The following RNF34 variants were observed in gnomAD, a reference collection of about 807,000 sequenced individuals.
RNF34 encodes the protein E3 ubiquitin-protein ligase RNF34.
A neutral mutation model predicts 37.9 loss-of-function variants in RNF34; 12 were observed. The ratio of observed to expected loss-of-function variants is 0.32; its 90% confidence interval spans 0.20 to 0.51. The LOEUF (loss-of-function observed/expected upper bound fraction) is 0.51, where lower values mean the gene tolerates loss of function less well. RNF34 is among the 20% of genes least tolerant of loss of function. RNF34 has a pLI of 0.97. For missense variants in RNF34, 362 were observed against 472.7 expected, an observed-to-expected ratio of 0.77 and a Z score of 2.17; for synonymous variants, 155 against 177.2, an observed-to-expected ratio of 0.87 and a Z score of 1.00.
rs372856839 is a variant in RNF34, at chr12:121,423,550, C to T, written c.1093C>T (p.Arg365Ter). The change falls in exon 6 of 6, where the codon CGA (arginine) becomes TGA (stop). Residue 365 changes from arginine to a stop codon, truncating the protein, a stop_gained. Transcript: ENST00000361234. LOFTEE classifies it high-confidence loss of function. The surrounding 1 kb of genome is among the most constrained non-coding windows in gnomAD (Gnocchi z 4.3). ...ECPICRQYVV[R>*]AVHVFKS ...TCCCATCTGCCGGCAGTATGTGGTG[C>T]GAGCCGTGCACGTGTTCAAGTCCTG... The T allele has an allele frequency of 4.3e-6, 7 of 1,613,826 alleles. No homozygotes were observed. Among genetic ancestry groups the T allele is most frequent in the Admixed American group, 1.7e-5 (1 of 59,984 alleles).
chr12:121,417,362 T>A lies in RNF34; in HGVS notation c.226-142T>A. 1.4e-6 allele frequency: 1 copy of A among 693,624 alleles called. No individual in the cohort carries two copies. Among genetic ancestry groups the A allele is most frequent in the South Asian group, 2.0e-5 (1 of 50,324 alleles). 43.0% of individuals were successfully genotyped at this position (693,624 alleles called of 1,614,324 possible). A position where few individuals can be genotyped will look rare whatever the true frequency, so the allele number is the denominator to read the frequency against. ...TTTGATTTTCATGGCTTTTGAAACATGAAAATACCTCTGGAAATAGTCTGG... is the reference window on the plus strand; with the variant it reads ...TTTGATTTTCATGGCTTTTGAAACAAGAAAATACCTCTGGAAATAGTCTGG... On this transcript the variant is annotated intron_variant, in intron 2 of 5. Coordinates refer to ENST00000361234, the MANE Select transcript of RNF34 (RefSeq NM_025126.4). The surrounding 1 kb of genome is among the most constrained non-coding windows in gnomAD (Gnocchi z 5.0).
intron 1 of RNF34, among the ~76,000 whole-genome samples, chr12:121,405,817 G>A (rs1379585945): frequency 3.7e-5 from 5 of 135,134 alleles, no homozygotes; most frequent in Admixed American, 1.5e-4. Context: ...TTCTTGAGAC[G>A]GAGTCTTGCT....
At chr12:121,403,554 A>G (rs1239323208) in intron 1 of RNF34, among the ~76,000 whole-genome samples, 9 of 152,208 alleles carry the variant, frequency 5.9e-5, no homozygotes, top group Non-Finnish European at 7.3e-5. Flanking sequence ...AAGATTTAAT[A>G]CATCTTTTTC....
Position 121,420,782 on chromosome 12 carries a change from G to C in RNF34, c.928+4G>C, listed in dbSNP as rs1555283235. Reference sequence around the variant, plus strand: ...AATGAAGAAAACCAAAAGTCCTGTAGGTTTATCTTTTCATTTTTTCCCTGT... The same window carrying C: ...AATGAAGAAAACCAAAAGTCCTGTACGTTTATCTTTTCATTTTTTCCCTGT... On this transcript the variant is annotated splice_donor_region_variant and intron_variant, in intron 5 of 5. Transcript: ENST00000361234. The C allele has an allele frequency of 6.2e-7, 1 of 1,605,108 alleles. No individual in the cohort carries two copies. Among genetic ancestry groups the C allele is most frequent in the Admixed American group, 1.7e-5 (1 of 59,760 alleles).
intron 1 of RNF34, among the ~76,000 whole-genome samples, chr12:121,406,728 T>A (rs1385679032): frequency 6.6e-6 from 1 of 152,218 alleles, no homozygotes; most frequent in Non-Finnish European, 1.5e-5. Flanking sequence ...AACAAGTCAT[T>A]TATTTTTAGT....
chr12:121,423,854 C>T lies in RNF34; in HGVS notation c.*278C>T, dbSNP rs1384922382. On this transcript the variant is annotated 3_prime_UTR_variant, in exon 6 of 6. Coordinates refer to ENST00000361234, the MANE Select transcript of RNF34 (RefSeq NM_025126.4). The surrounding 1 kb of genome is among the most constrained non-coding windows in gnomAD (Gnocchi z 4.3). ...AGTCAGCCTGTTTGCGCCATGTGGG[C>T]ATCAGCCACTGCTGTCTTGGGAGGA... 1 of 378,006 alleles carries T rather than the reference C, an allele frequency of 2.6e-6. No homozygotes were observed. The highest frequency in any genetic ancestry group is 4.9e-6 in the Non-Finnish European group (1 of 206,152). The allele number at this position is 378,006 out of a possible 1,614,324, so 23.4% of individuals were successfully genotyped here.
chr12:121,401,354 C>CAAAAAAAAAAAAAA (rs563285897), intron 1 of RNF34, among the ~76,000 whole-genome samples: 15 of 76,770 alleles, frequency 2.0e-4, no homozygotes, highest in East Asian at 4.2e-4. Flanking sequence ...CTATAGGTAT[C>CAAAAAAAAAAAAAA]AAAAAAAAAA....
intron 1 of RNF34, among the ~76,000 whole-genome samples, chr12:121,401,777 G>A (rs1395589754): frequency 6.6e-6 from 1 of 152,198 alleles, no homozygotes; most frequent in African/African-American, 2.4e-5. Context: ...TTGAATTGAA[G>A]TGGAAGGTAC....
chr12:121,406,705 T>C (rs782425854), intron 1 of RNF34, among the ~76,000 whole-genome samples: 10 of 152,302 alleles, frequency 6.6e-5, no homozygotes, highest in Middle Eastern at 6.8e-3. Context: ...AGGAAAGGGA[T>C]TAGACTATCA....
rs1437315138 is a variant in RNF34, at chr12:121,416,336, T to C, written c.184T>C (p.Cys62Arg). ...PAATEGPNIV[C>R]KACGLSFSVF... ...AGCTACGGAAGGGCCCAACATAGTT[T>C]GTAAAGCCTGTGGGCTTTCATTTTC... is the stretch of plus-strand genomic sequence containing the variant. The change falls in exon 2 of 6, where the codon TGT becomes CGT. Residue 62 changes from cysteine (C) to arginine (R), a missense_variant. Transcript: ENST00000361234. 1 of 1,614,144 alleles carries C rather than the reference T, an allele frequency of 6.2e-7. No homozygotes were observed. Among genetic ancestry groups the C allele is most frequent in the East Asian group, 2.2e-5 (1 of 44,888 alleles).
At chr12:121,419,649 A>G (rs141786813) in intron 3 of RNF34, among the ~76,000 whole-genome samples, 229 of 152,336 alleles carry the variant, frequency 1.5e-3, no homozygotes, top group African/African-American at 5.3e-3. Context: ...TCAAAAGAAA[A>G]TATGTGAAGG....
intron 1 of RNF34, among the ~76,000 whole-genome samples, chr12:121,415,840 C>CTTTTTTTTTTTTTTTTTTT (rs782608817): frequency 9.3e-6 from 1 of 108,096 alleles, no homozygotes; most frequent in African/African-American, 3.6e-5. Context: ...TTTGTCCAGT[C>CTTTTTTTTTTTTTTTTTTT]TTTTTTTTTT....
chr12:121,407,864 G>C (rs781990387), intron 1 of RNF34, among the ~76,000 whole-genome samples: 2 of 152,182 alleles, frequency 1.3e-5, no homozygotes, highest in Non-Finnish European at 2.9e-5. Flanking sequence ...CAGAGGCAGA[G>C]TGTGAAGAGC....
chr12:121,415,314 GGAAAT>G (rs1344687996), intron 1 of RNF34: 4 of 378,910 alleles, frequency 1.1e-5, no homozygotes, highest in Non-Finnish European at 5.7e-6. Flanking sequence ...AGAGGTTTAA[GGAAAT>G]GAAGTAATTT....
At chr12:121,411,598 TTTC>T (rs1871067844) in intron 1 of RNF34, among the ~76,000 whole-genome samples, 1 of 152,164 alleles carries the variant, frequency 6.6e-6, no homozygotes, top group Admixed American at 6.5e-5. Context: ...GATTTTTGGT[TTTC>T]TTTACCAAGA....
intron 1 of RNF34, among the ~76,000 whole-genome samples, chr12:121,413,415 C>CTT (rs573738844): frequency 0.018 from 2,399 of 130,646 alleles, 75 homozygotes; most frequent in East Asian, 0.13. Flanking sequence ...TTTACCTGTC[C>CTT]TTTTTTTTTT....
At chr12:121,402,321 TTAAAAA>T (rs1313791279) in intron 1 of RNF34, among the ~76,000 whole-genome samples, 2 of 152,056 alleles carry the variant, frequency 1.3e-5, no homozygotes, top group Non-Finnish European at 2.9e-5. Flanking sequence ...AGTTAAGCAG[TTAAAAA>T]TAAACAAGAA....
chr12:121,413,328 G>A (rs536213548), intron 1 of RNF34, among the ~76,000 whole-genome samples: 165 of 151,958 alleles, frequency 1.1e-3, no homozygotes, highest in Non-Finnish European at 1.9e-3. Context: ...AGCCTGGCCA[G>A]ATTTTCATGC....
In RNF34 at chr12:121,403,232, T is replaced by A. The variant is rs1870165930; in HGVS notation, c.6+3014T>A. On this transcript the variant is annotated intron_variant, in intron 1 of 5. Coordinates refer to ENST00000361234, the MANE Select transcript of RNF34 (RefSeq NM_025126.4). ...TAACACAGTGAAACCCTGTCTCTACTAAAAATACAAAAAATTAGCTGGATG... is the reference window on the plus strand; with the variant it reads ...TAACACAGTGAAACCCTGTCTCTACAAAAAATACAAAAAATTAGCTGGATG... 2.0e-5 allele frequency among the ~76,000 whole-genome samples: 3 copies of A among 152,028 alleles called. No individual in the cohort carries two copies. In the South Asian group the frequency reaches 6.2e-4, roughly 31 times the overall value.
Sources: allele counts gnomAD v4.1 joint callset (sites outside exome capture counted in the v4.1 genomes callset), GRCh38; gene constraint gnomAD v4.1.1; non-coding constraint Gnocchi (gnomAD v3.1); transcripts MANE v1.5; gene names NCBI Gene and HGNC (gene_info 2026-07-23, HGNC 2026-07-21).